Variants in PIK3C2G observed in about 807,000 individuals in gnomAD.
PIK3C2G encodes phosphatidylinositol-4-phosphate 3-kinase catalytic subunit type 2 gamma, also known as phosphatidylinositol 3-kinase C2 domain-containing subunit gamma.
PIK3C2G carries 168 observed loss-of-function variants against 181.1 expected under a neutral mutation model. The ratio of observed to expected loss-of-function variants is 0.93; its 90% CI spans 0.82 to 1.05. The LOEUF is 1.05. Ranked by LOEUF, PIK3C2G falls within the 50% of genes least tolerant of loss-of-function variation. The probability of loss-of-function intolerance (pLI) is 0.00; values close to 1 mark genes in which losing one functional copy is unlikely to be tolerated. For missense variants in PIK3C2G, 1,869 were observed against 1,732.8 expected (o/e 1.08, Z -1.40); for synonymous variants, 573 against 592.2 (o/e 0.97, Z 0.47).
chr12:18,680,368 C>T, the PIK3C2G span, among the ~76,000 whole-genome samples: 1 of 151,992 alleles, frequency 6.6e-6, no homozygotes, highest in East Asian at 1.9e-4. Flanking sequence ...CCTCAAGACA[C>T]TCCCTTATAT....
chr12:18,296,966 C>T (rs1020930091), intron 5 of PIK3C2G, among the ~76,000 whole-genome samples: 1 of 152,068 alleles, frequency 6.6e-6, no homozygotes, highest in African/African-American at 2.4e-5. Context: ...TGTTCTTTAA[C>T]TCCCGGTTTA....
the PIK3C2G span, among the ~76,000 whole-genome samples, chr12:18,657,436 C>T: frequency 6.7e-6 from 1 of 148,700 alleles, no homozygotes; most frequent in Non-Finnish European, 1.5e-5. Context: ...AAGACTATAG[C>T]AGAGTAGTAA....
At chr12:18,447,751 A>T (rs142597854) in intron 18 of PIK3C2G, among the ~76,000 whole-genome samples, 238 of 152,280 alleles carry the variant, frequency 1.6e-3, no homozygotes, top group African/African-American at 5.5e-3. Context: ...TCTGTCGTAG[A>T]ATCTTTCAAA....
intron 32 of PIK3C2G, among the ~76,000 whole-genome samples, chr12:18,646,402 G>T (rs1472059453): frequency 6.6e-6 from 1 of 152,162 alleles, no homozygotes; most frequent in Non-Finnish European, 1.5e-5. Context: ...GATCAGGGTA[G>T]ACCGCATTCG....
chr12:18,586,243 G>T (rs1338177032), intron 29 of PIK3C2G, among the ~76,000 whole-genome samples: 1 of 151,798 alleles, frequency 6.6e-6, no homozygotes. Flanking sequence ...AACTGAAGGA[G>T]ATCAAGACAC....
chr12:18,702,174 AT>A, the PIK3C2G span, among the ~76,000 whole-genome samples: 1 of 152,230 alleles, frequency 6.6e-6, no homozygotes, highest in African/African-American at 2.4e-5. Context: ...ATTAAAAAGT[AT>A]TAAATGAAAT....
chr12:18,663,486 T>C, the PIK3C2G span, among the ~76,000 whole-genome samples: 1 of 152,168 alleles, frequency 6.6e-6, no homozygotes, highest in Non-Finnish European at 1.5e-5. Context: ...ATGCAAATAC[T>C]ATGCTATTTT....
At chr12:18,668,353 A>G in the PIK3C2G span, among the ~76,000 whole-genome samples, 1 of 152,348 alleles carries the variant, frequency 6.6e-6, no homozygotes, top group Admixed American at 6.5e-5. Context: ...CCACTTTACC[A>G]GTTTACTAAT....
chr12:18,608,696 T>G (rs2136589753), intron 30 of PIK3C2G, among the ~76,000 whole-genome samples: 1 of 151,858 alleles, frequency 6.6e-6, no homozygotes, highest in South Asian at 2.1e-4. Flanking sequence ...ACCCTAAAAC[T>G]TAAAGTATAA....
At chr12:18,549,445 AC>A (rs1944611840) in intron 26 of PIK3C2G, among the ~76,000 whole-genome samples, 2 of 152,078 alleles carry the variant, frequency 1.3e-5, no homozygotes, top group African/African-American at 4.8e-5. Flanking sequence ...TGCTTTTCTT[AC>A]AGTAATGTAT....
chr12:18,722,411 T>C, the PIK3C2G span, among the ~76,000 whole-genome samples: 4 of 152,086 alleles, frequency 2.6e-5, no homozygotes, highest in East Asian at 1.9e-4. Flanking sequence ...GAATGTATGA[T>C]CCAATGCAGA....
chr12:18,508,984 G>A (rs1365992937), intron 24 of PIK3C2G, among the ~76,000 whole-genome samples: 2 of 152,024 alleles, frequency 1.3e-5, no homozygotes, highest in East Asian at 1.9e-4. Flanking sequence ...AAACATGGAA[G>A]GGAAAAGCAT....
At chr12:18,332,719 T>G (rs752228217) in intron 8 of PIK3C2G, among the ~76,000 whole-genome samples, 1 of 151,862 alleles carries the variant, frequency 6.6e-6, no homozygotes, top group Non-Finnish European at 1.5e-5. Context: ...AAGCAAGGGG[T>G]TTTTGCCTGG....
chr12:18,433,899 C>T (rs940478854), intron 18 of PIK3C2G, among the ~76,000 whole-genome samples: 1 of 152,138 alleles, frequency 6.6e-6, no homozygotes, highest in Non-Finnish European at 1.5e-5. Flanking sequence ...GGGAAAAGAT[C>T]TGGGATGGTG....
At position 18,633,683 on chromosome 12, in the gene PIK3C2G, G is replaced by T. The variant is rs74068109; in HGVS notation, c.4183-6746G>T. Among the ~76,000 whole-genome samples the T allele has an allele frequency of 6.5e-3, 986 of 152,276 alleles. 8 individuals carry two copies. Among genetic ancestry groups the T allele is most frequent in the African/African-American group, 0.022 (929 of 41,572 alleles). On this transcript the variant is annotated intron_variant, in intron 31 of 32. Transcript: ENST00000538779. ...TGCAGTAGTCGTCCAATTTGCCCTT[G>T]TTAGTCAGGATCAATCACTCTAGCC...
chr12:18,391,302 T>C, intron 15 of PIK3C2G, 50 bp downstream of exon 15: 2 of 1,412,846 alleles, frequency 1.4e-6, no homozygotes, highest in Non-Finnish European at 1.9e-6. Context: ...GTTTATGATT[T>C]CCTCAATCAT....
the PIK3C2G span, chr12:18,693,241 A>C: frequency 2.6e-6 from 4 of 1,553,408 alleles, no homozygotes; most frequent in Non-Finnish European, 3.6e-6. Flanking sequence ...CTCAACCACA[A>C]GGTGCATACC....
chr12:18,698,383 T>C, the PIK3C2G span, among the ~76,000 whole-genome samples: 1 of 152,050 alleles, frequency 6.6e-6, no homozygotes, highest in Non-Finnish European at 1.5e-5. Flanking sequence ...TGAATTGATT[T>C]TTGGTTACAA....
At chr12:18,628,316 A>G (rs2136706907) in intron 31 of PIK3C2G, among the ~76,000 whole-genome samples, 1 of 152,318 alleles carries the variant, frequency 6.6e-6, no homozygotes, top group East Asian at 1.9e-4. Context: ...GGCATACCCC[A>G]TAATATTAGA....
Sources: allele counts gnomAD v4.1 joint callset (sites outside exome capture counted in the v4.1 genomes callset), GRCh38; gene constraint gnomAD v4.1.1; transcripts MANE v1.5; gene names NCBI Gene and HGNC (gene_info 2026-07-23, HGNC 2026-07-21).